ELP3: variants seen among roughly 807,000 people sequenced by gnomAD.
ELP3 encodes the protein elongator acetyltransferase complex subunit 3.
ELP3 carries 56 observed loss-of-function variants against 74.9 expected under a neutral mutation model. That is an observed-to-expected ratio of 0.75 (90% CI 0.60 to 0.93). The LOEUF (loss-of-function observed/expected upper bound fraction) is 0.93. Ranked by LOEUF, ELP3 falls within the 40% of genes least tolerant of loss-of-function variation. The probability of loss-of-function intolerance (pLI) is 0.00; values close to 1 mark genes in which losing one functional copy is unlikely to be tolerated. For synonymous variants in ELP3, 222 were observed against 239.8 expected (o/e 0.93, Z 0.68); for missense variants, 573 against 686.5 (o/e 0.83, Z 1.85).
chr8:28,168,446 T>C (rs1460348168), intron 14 of ELP3, among the ~76,000 whole-genome samples: 1 of 152,170 alleles, frequency 6.6e-6, no homozygotes, highest in African/African-American at 2.4e-5. Context: ...CAACAGCACA[T>C]TTGTAGACTT....
At position 28,099,854 on chromosome 8, in the gene ELP3, A is replaced by G. The variant is rs563980825; in HGVS notation, c.146A>G (p.Tyr49Cys). 2 of 1,614,202 alleles carry G rather than the reference A, an allele frequency of 1.2e-6. No homozygotes were observed. Among genetic ancestry groups the G allele is most frequent in the South Asian group, 2.2e-5 (2 of 91,082 alleles). ...NKVKTKTAAKYGLSAQPRLVD... is the reference protein window; with the variant it reads ...NKVKTKTAAKCGLSAQPRLVD... The stretch of plus-strand genomic sequence containing the variant: ...GTGAAAACCAAGACAGCTGCCAAAT[A>G]TGGCCTTTCTGCCCAGCCCCGCCTG... Residue 49 changes from tyrosine (Y) to cysteine (C), a missense_variant, in exon 3 of 15, where the codon TAT becomes TGT. Coordinates refer to ENST00000256398, the MANE Select transcript of ELP3 (RefSeq NM_018091.6).
rs746519014 is a variant in ELP3, at chr8:28,093,252, A to G, written c.19+19A>G. 4 of 1,612,940 alleles carry G rather than the reference A, an allele frequency of 2.5e-6. No homozygotes were observed. The highest frequency in any genetic ancestry group is 3.4e-6 in the Non-Finnish European group (4 of 1,179,820). On this transcript the variant is annotated intron_variant, in intron 1 of 14. Coordinates refer to ENST00000256398, the MANE Select transcript of ELP3 (RefSeq NM_018091.6). ...CGGAAAGGTGCGAAAGGGGAAGGAG[A>G]TGGGGGAAAGGGGTGGTCCGAAAGG...
intron 7 of ELP3, among the ~76,000 whole-genome samples, chr8:28,123,994 A>C (rs1340426863): frequency 1.3e-5 from 2 of 151,360 alleles, no homozygotes; most frequent in African/African-American, 4.9e-5. Context: ...TGGAGTGTTT[A>C]GTCTGTTAAC....
intron 7 of ELP3, among the ~76,000 whole-genome samples, chr8:28,115,409 C>A (rs1457028631): frequency 6.6e-6 from 1 of 152,110 alleles, no homozygotes; most frequent in Non-Finnish European, 1.5e-5. Context: ...CACATACACA[C>A]ACACATATCT....
intron 7 of ELP3, among the ~76,000 whole-genome samples, chr8:28,126,570 CAG>C (rs1008191785): frequency 2.0e-5 from 3 of 152,156 alleles, no homozygotes; most frequent in Admixed American, 2.0e-4. Flanking sequence ...GAGAAGTTGA[CAG>C]AGTTGCTGCA....
At chr8:28,095,315 G>A (rs780011952) in intron 1 of ELP3, among the ~76,000 whole-genome samples, 9 of 152,138 alleles carry the variant, frequency 5.9e-5, no homozygotes, top group Non-Finnish European at 1.0e-4. Flanking sequence ...CTTATCAGCC[G>A]ATCCCCTTTT....
intron 14 of ELP3, among the ~76,000 whole-genome samples, chr8:28,182,571 CAAAA>C (rs373685412): frequency 0.012 from 1,791 of 152,100 alleles, 29 homozygotes; most frequent in African/African-American, 0.039. Context: ...CAAAAACAAA[CAAAA>C]AAACCACATC....
At chr8:28,125,429 G>A (rs1812533854) in intron 7 of ELP3, among the ~76,000 whole-genome samples, 1 of 152,200 alleles carries the variant, frequency 6.6e-6, no homozygotes, top group Admixed American at 6.5e-5. Flanking sequence ...GGCACATCCA[G>A]TTGCAGTAAG....
chr8:28,141,137 C>T (rs1213621459), intron 10 of ELP3, among the ~76,000 whole-genome samples: 1 of 152,180 alleles, frequency 6.6e-6, no homozygotes, highest in East Asian at 1.9e-4. Flanking sequence ...GTATCTCCCC[C>T]ACCATACTTA....
At chr8:28,184,593 T>G (rs6558044) in intron 14 of ELP3, among the ~76,000 whole-genome samples, 1 of 152,004 alleles carries the variant, frequency 6.6e-6, no homozygotes, top group Non-Finnish European at 1.5e-5. Context: ...ACTTTCTGGT[T>G]ATCCAAGGAC....
intron 10 of ELP3, among the ~76,000 whole-genome samples, chr8:28,142,169 G>A (rs369285414): frequency 6.6e-6 from 1 of 152,186 alleles, no homozygotes; most frequent in Non-Finnish European, 1.5e-5. Flanking sequence ...TAGGAAAAAT[G>A]TAAAGGAGTG....
intron 7 of ELP3, among the ~76,000 whole-genome samples, chr8:28,127,714 C>T (rs755179338): frequency 7.9e-5 from 12 of 151,456 alleles, no homozygotes; most frequent in Non-Finnish European, 1.3e-4. Flanking sequence ...TAGTTTGGAT[C>T]CTGTCTTAGG....
At chr8:28,091,128 G>C (rs1317456946), upstream of ELP3, among the ~76,000 whole-genome samples, 1 of 151,894 alleles carries the variant, frequency 6.6e-6, no homozygotes, top group African/African-American at 2.4e-5. Context: ...GGATGGTCTT[G>C]ATCTCCTGAC....
At chr8:28,114,522 CTT>C (rs59453621) in intron 7 of ELP3, among the ~76,000 whole-genome samples, 4,203 of 152,188 alleles carry the variant, frequency 0.028, 214 homozygotes, top group African/African-American at 0.097. Context: ...GTGCCACACT[CTT>C]TTAAACAACA....
intron 2 of ELP3, among the ~76,000 whole-genome samples, chr8:28,097,828 A>G (rs1811315171): frequency 6.6e-6 from 1 of 152,152 alleles, no homozygotes; most frequent in Non-Finnish European, 1.5e-5. Flanking sequence ...AATCCCCTCA[A>G]AATTCTGTGA....
At chr8:28,125,242 T>A (rs920794280) in intron 7 of ELP3, among the ~76,000 whole-genome samples, 3 of 152,188 alleles carry the variant, frequency 2.0e-5, no homozygotes, top group Admixed American at 2.0e-4. Flanking sequence ...GGAGAAGAGA[T>A]TGTATGTTGT....
intron 14 of ELP3, among the ~76,000 whole-genome samples, chr8:28,164,843 C>T (rs920495679): frequency 6.6e-6 from 1 of 151,850 alleles, no homozygotes; most frequent in Non-Finnish European, 1.5e-5. Context: ...TGTGTTTTTC[C>T]GGTTTTTGCA....
intron 7 of ELP3, among the ~76,000 whole-genome samples, chr8:28,114,748 C>T (rs757057234): frequency 2.0e-5 from 3 of 152,070 alleles, no homozygotes; most frequent in Non-Finnish European, 4.4e-5. Flanking sequence ...CGTCATGAGA[C>T]GGGGTTGAAG....
intron 10 of ELP3, 106 bp from the exon 11 acceptor site, chr8:28,155,836 T>TCCTCTAA: frequency 1.2e-6 from 1 of 866,826 alleles, no homozygotes; most frequent in Non-Finnish European, 1.8e-6. Context: ...CATAGGTTTT[T>TCCTCTAA]TGCTTTTTTA....
Sources: allele counts gnomAD v4.1 joint callset (sites outside exome capture counted in the v4.1 genomes callset), GRCh38; gene constraint gnomAD v4.1.1; transcripts MANE v1.5; gene names NCBI Gene and HGNC (gene_info 2026-07-23, HGNC 2026-07-21).